The following CTNND2 variants were observed in gnomAD, a reference collection of about 807,000 sequenced individuals.
The protein encoded by CTNND2 is catenin delta-2.
In CTNND2, 22 loss-of-function variants were observed where a neutral mutation model predicts 144.4. The observed-to-expected ratio is 0.15, with a 90% CI of 0.11 to 0.22. The LOEUF (loss-of-function observed/expected upper bound fraction) is 0.22, where lower values mean the gene tolerates loss of function less well. CTNND2 is among the 10% of genes least tolerant of loss of function. The probability of loss-of-function intolerance (pLI) is 1.00; values close to 1 mark genes in which losing one functional copy is unlikely to be tolerated. For synonymous variants in CTNND2, 751 were observed against 695.6 expected, an observed-to-expected ratio of 1.08 and a Z score of -1.25; for missense variants, 1,353 against 1,618.8, an observed-to-expected ratio of 0.84 and a Z score of 2.82.
intron 1 of CTNND2, among the ~76,000 whole-genome samples, chr5:11,803,817 C>T (rs1034515377): frequency 1.3e-5 from 2 of 152,156 alleles, no homozygotes; most frequent in Admixed American, 6.5e-5. Flanking sequence ...CCCATCCTCC[C>T]AGATATCTGG....
intron 1 of CTNND2, among the ~76,000 whole-genome samples, chr5:11,791,374 A>C (rs147458058): frequency 6.6e-6 from 1 of 152,322 alleles, no homozygotes; most frequent in Non-Finnish European, 1.5e-5. Flanking sequence ...TGCAACAAGA[A>C]AATGCTGATA....
At chr5:11,122,239 CA>C (rs1325591854) in intron 12 of CTNND2, among the ~76,000 whole-genome samples, 1 of 140,830 alleles carries the variant, frequency 7.1e-6, no homozygotes, top group African/African-American at 2.8e-5. Context: ...GAGGCAGTTT[CA>C]ACTTGCAAAA....
At chr5:11,007,337 C>T (rs185352286) in intron 18 of CTNND2, among the ~76,000 whole-genome samples, 9 of 151,592 alleles carry the variant, frequency 5.9e-5, no homozygotes, top group South Asian at 2.1e-4. Context: ...ACCTTACCAG[C>T]GGCCAATCTG....
intron 2 of CTNND2, among the ~76,000 whole-genome samples, chr5:11,608,957 C>A (rs1017229981): frequency 6.6e-6 from 1 of 152,096 alleles, no homozygotes; most frequent in Admixed American, 6.6e-5. Context: ...TTTACTAAGC[C>A]CCAGCCATAT....
intron 3 of CTNND2, among the ~76,000 whole-genome samples, chr5:11,418,394 G>A (rs1762080576): frequency 6.6e-6 from 1 of 152,030 alleles, no homozygotes; most frequent in Admixed American, 6.6e-5. Flanking sequence ...CAACAAGAGT[G>A]AAACTCCGTC....
chr5:11,584,358 A>C (rs1251640133), intron 2 of CTNND2, among the ~76,000 whole-genome samples: 1 of 149,206 alleles, frequency 6.7e-6, no homozygotes, highest in Non-Finnish European at 1.5e-5. Context: ...GTACTAAAAC[A>C]ATTAGACAGT....
At chr5:11,492,830 G>C (rs1421185142) in intron 3 of CTNND2, among the ~76,000 whole-genome samples, 1 of 151,974 alleles carries the variant, frequency 6.6e-6, no homozygotes, top group African/African-American at 2.4e-5. Flanking sequence ...CAGCACTTTG[G>C]GATGCTGAGG....
chr5:11,064,532 C>T (rs1005844860), intron 16 of CTNND2, among the ~76,000 whole-genome samples: 4 of 151,812 alleles, frequency 2.6e-5, no homozygotes, highest in South Asian at 2.1e-4. Flanking sequence ...ACATTCCATG[C>T]GCTCCCTCCC....
intron 2 of CTNND2, among the ~76,000 whole-genome samples, chr5:11,567,954 T>C (rs1441809337): frequency 6.6e-6 from 1 of 152,208 alleles, no homozygotes; most frequent in Non-Finnish European, 1.5e-5. Flanking sequence ...TTAAGTTATG[T>C]GAAAGCAATT....
chr5:11,151,385 G>A (rs1201649665), intron 12 of CTNND2, among the ~76,000 whole-genome samples: 1 of 152,188 alleles, frequency 6.6e-6, no homozygotes, highest in Non-Finnish European at 1.5e-5. Flanking sequence ...TTTAAAGAAT[G>A]AACCAGCTTT....
intron 10 of CTNND2, among the ~76,000 whole-genome samples, chr5:11,206,587 C>T (rs1273077429): frequency 1.3e-5 from 2 of 152,204 alleles, no homozygotes; most frequent in African/African-American, 4.8e-5. Flanking sequence ...AATCACAAAG[C>T]ATTGACAATT....
chr5:11,412,631 G>A (rs960693644), intron 3 of CTNND2, among the ~76,000 whole-genome samples: 5 of 152,002 alleles, frequency 3.3e-5, no homozygotes, highest in South Asian at 2.1e-4. Context: ...TGACCCAGAC[G>A]GAAAGGGTTG....
intron 16 of CTNND2, among the ~76,000 whole-genome samples, chr5:11,071,826 C>T (rs1748346745): frequency 1.3e-5 from 2 of 152,064 alleles, no homozygotes. Context: ...CAAGAAACTC[C>T]CTGGCAAAGT....
At chr5:11,618,703 T>G (rs1561625932) in intron 2 of CTNND2, among the ~76,000 whole-genome samples, 1 of 152,192 alleles carries the variant, frequency 6.6e-6, no homozygotes, top group Non-Finnish European at 1.5e-5. Flanking sequence ...CATAAATTGA[T>G]TTTTTTCACA....
chr5:11,753,504 C>T (rs1315425450), intron 1 of CTNND2, among the ~76,000 whole-genome samples: 2 of 151,852 alleles, frequency 1.3e-5, no homozygotes, highest in African/African-American at 4.8e-5. Flanking sequence ...AACAAACCTG[C>T]ATCCAGGAAT....
chr5:11,553,833 C>T (rs377604252), intron 3 of CTNND2, among the ~76,000 whole-genome samples: 2 of 151,898 alleles, frequency 1.3e-5, no homozygotes, highest in South Asian at 4.2e-4. Flanking sequence ...GTTTATACTG[C>T]AATTCTTCTA....
chr5:11,205,695 G>A (rs189699191), intron 10 of CTNND2, among the ~76,000 whole-genome samples: 1 of 152,266 alleles, frequency 6.6e-6, no homozygotes, highest in East Asian at 1.9e-4. Flanking sequence ...AGTTGCCTCT[G>A]AGTAATACAG....
chr5:11,097,171 C>T (rs1035943613), intron 15 of CTNND2, among the ~76,000 whole-genome samples: 1 of 152,158 alleles, frequency 6.6e-6, no homozygotes, highest in African/African-American at 2.4e-5. Context: ...GGTGGAGCCT[C>T]GGTTTGAACT....
intron 2 of CTNND2, among the ~76,000 whole-genome samples, chr5:11,598,347 G>C (rs6871537): frequency 0.031 from 4,768 of 152,148 alleles, 247 homozygotes; most frequent in African/African-American, 0.11. Context: ...TGCTGATGAG[G>C]AGAAATTCCA....
Sources: gnomAD v4.1 joint callset for allele counts (sites outside exome capture counted in the v4.1 genomes callset) on GRCh38, gnomAD v4.1.1 for gene constraint, MANE v1.5 for transcripts, NCBI Gene and HGNC (gene_info 2026-07-23, HGNC 2026-07-21) for gene names.